CDH13: variants seen among roughly 807,000 people sequenced by gnomAD.
CDH13 encodes cadherin 13, also known as cadherin-13.
A neutral mutation model predicts 63.8 loss-of-function variants in CDH13; 24 were observed. The observed-to-expected ratio is 0.38, with a 90% CI of 0.27 to 0.53. The LOEUF (loss-of-function observed/expected upper bound fraction) is 0.53. CDH13 is among the 20% of genes least tolerant of loss of function. The pLI is 0.85. For missense variants in CDH13, 1,049 were observed against 903.1 expected, an observed-to-expected ratio of 1.16 and a Z score of -2.07; for synonymous variants, 503 against 355.3, an observed-to-expected ratio of 1.42 and a Z score of -4.67.
chr16:82,891,761 C>CA lies in CDH13; in HGVS notation c.157+33289dup, dbSNP rs533251529. 9.2e-5 allele frequency among the ~76,000 whole-genome samples: 14 copies of CA among 152,246 alleles called. No individual in the cohort carries two copies. In the East Asian group the frequency reaches 2.7e-3, roughly 29 times the overall value. ...ATCACACTTTGGGTTTCCATAGGAC[C>CA]AGGCAACATAATGACCCACCTGAAG... On this transcript the variant is annotated intron_variant, in intron 2 of 13. Transcript: ENST00000567109.
chr16:82,791,561 G>C (rs1415702721), intron 1 of CDH13, among the ~76,000 whole-genome samples: 1 of 152,172 alleles, frequency 6.6e-6, no homozygotes, highest in Non-Finnish European at 1.5e-5. Flanking sequence ...CTTCTGGTCT[G>C]TGCTTGTTAG....
At chr16:83,392,002 C>G (rs959897239) in intron 6 of CDH13, among the ~76,000 whole-genome samples, 1 of 152,146 alleles carries the variant, frequency 6.6e-6, no homozygotes. Flanking sequence ...GTCAGGAGCT[C>G]CATGCATCGC....
At chr16:83,775,907 A>T (rs1297103557) in intron 11 of CDH13, among the ~76,000 whole-genome samples, 1 of 152,152 alleles carries the variant, frequency 6.6e-6, no homozygotes, top group African/African-American at 2.4e-5. Flanking sequence ...GAGAATACTT[A>T]GAAGCCCCTA....
intron 7 of CDH13, among the ~76,000 whole-genome samples, chr16:83,587,931 C>A (rs1906328046): frequency 6.6e-6 from 1 of 150,926 alleles, no homozygotes; most frequent in Non-Finnish European, 1.5e-5. Context: ...ATCTGAGCAA[C>A]ATTCTCTTAT....
At chr16:83,415,558 C>G (rs2092187837) in intron 6 of CDH13, among the ~76,000 whole-genome samples, 1 of 152,144 alleles carries the variant, frequency 6.6e-6, no homozygotes, top group South Asian at 2.1e-4. Context: ...TTAAGAGGAT[C>G]ACAGGTCATG....
At chr16:83,310,726 C>A (rs1309372186) in intron 5 of CDH13, among the ~76,000 whole-genome samples, 2 of 152,164 alleles carry the variant, frequency 1.3e-5, no homozygotes, top group Non-Finnish European at 2.9e-5. Context: ...ATGCATGGAC[C>A]AGCACAATAG....
intron 5 of CDH13, among the ~76,000 whole-genome samples, chr16:83,299,002 C>T (rs918757910): frequency 2.6e-5 from 4 of 152,096 alleles, no homozygotes; most frequent in East Asian, 1.9e-4. Flanking sequence ...TACTATAAAG[C>T]ATGAGTAAAA....
At chr16:83,255,964 G>T (rs193284569) in intron 5 of CDH13, among the ~76,000 whole-genome samples, 64 of 152,254 alleles carry the variant, frequency 4.2e-4, no homozygotes, top group Middle Eastern at 6.8e-3. Context: ...AATCTAAGAA[G>T]ATTTGATGCA....
chr16:83,402,317 A>G (rs1360116620), intron 6 of CDH13, among the ~76,000 whole-genome samples: 3 of 152,096 alleles, frequency 2.0e-5, no homozygotes, highest in African/African-American at 7.2e-5. Context: ...ATCCTCACCA[A>G]TTATTGGCAA....
chr16:82,818,358 A>G (rs554411347), intron 1 of CDH13, among the ~76,000 whole-genome samples: 1 of 152,324 alleles, frequency 6.6e-6, no homozygotes, highest in Non-Finnish European at 1.5e-5. Context: ...CTTTCTTCCA[A>G]TGCTTAAAAG....
At chr16:82,912,014 G>A (rs769333917) in intron 2 of CDH13, among the ~76,000 whole-genome samples, 3 of 151,918 alleles carry the variant, frequency 2.0e-5, no homozygotes, top group Non-Finnish European at 4.4e-5. Flanking sequence ...CAGCTCTTCC[G>A]TGTGCAGCCC....
At chr16:83,562,873 A>T (rs1446520244) in intron 7 of CDH13, among the ~76,000 whole-genome samples, 1 of 152,152 alleles carries the variant, frequency 6.6e-6, no homozygotes, top group East Asian at 1.9e-4. Context: ...ACTATAAAGG[A>T]CCCTGAGTAC....
At chr16:83,125,686 A>G (rs1056478784) in intron 4 of CDH13, among the ~76,000 whole-genome samples, 185 bp downstream of exon 4, 1 of 152,238 alleles carries the variant, frequency 6.6e-6, no homozygotes, top group Non-Finnish European at 1.5e-5. Context: ...GGAAATTGGA[A>G]AAAACCAATA....
intron 3 of CDH13, among the ~76,000 whole-genome samples, chr16:83,080,545 A>T (rs1388148407): frequency 1.3e-5 from 2 of 152,120 alleles, no homozygotes; most frequent in African/African-American, 4.8e-5. Context: ...GATCTGTGAA[A>T]TAGAGTCTGT....
At chr16:83,080,881 T>TTTTTTTTTTTTTTTTTTTTTTTTTTG (rs2033196936) in intron 3 of CDH13, among the ~76,000 whole-genome samples, 1 of 110,754 alleles carries the variant, frequency 9.0e-6, no homozygotes, top group African/African-American at 3.9e-5. Context: ...GTTTTTTTTT[T>TTTTTTTTTTTTTTTTTTTTTTTTTTG]TTTTTTTTTT....
chr16:82,721,045 T>G (rs994670664), intron 1 of CDH13, among the ~76,000 whole-genome samples: 1 of 152,194 alleles, frequency 6.6e-6, no homozygotes, highest in Non-Finnish European at 1.5e-5. Flanking sequence ...ATTTTATACA[T>G]AATGGAAGTA....
intron 13 of CDH13, among the ~76,000 whole-genome samples, chr16:83,786,427 C>T (rs1487261194): frequency 1.3e-5 from 2 of 152,032 alleles, no homozygotes; most frequent in East Asian, 1.9e-4. Flanking sequence ...CTCTAGATTA[C>T]GACTTGAGCT....
At chr16:82,633,300 C>T (rs187572787) in intron 1 of CDH13, among the ~76,000 whole-genome samples, 89 of 152,366 alleles carry the variant, frequency 5.8e-4, no homozygotes, top group African/African-American at 2.0e-3. Flanking sequence ...TCTACTTAGA[C>T]TTGCCAAGGC....
At chr16:83,173,429 A>G (rs1026108616) in intron 4 of CDH13, among the ~76,000 whole-genome samples, 27 of 152,086 alleles carry the variant, frequency 1.8e-4, no homozygotes, top group African/African-American at 6.0e-4. Context: ...CAGCATTTCT[A>G]GCACATAGTT....
Sources: gnomAD v4.1 joint callset for allele counts (sites outside exome capture counted in the v4.1 genomes callset) on GRCh38, gnomAD v4.1.1 for gene constraint, MANE v1.5 for transcripts, NCBI Gene and HGNC (gene_info 2026-07-23, HGNC 2026-07-21) for gene names.